Variants in VPS13B observed in about 807,000 individuals in gnomAD.
The protein encoded by VPS13B is intermembrane lipid transfer protein VPS13B.
In VPS13B, 285 loss-of-function variants were observed where a neutral mutation model predicts 426.4. The observed-to-expected ratio is 0.67, with a 90% CI of 0.61 to 0.74. The LOEUF (loss-of-function observed/expected upper bound fraction) is 0.74. Ranked by LOEUF, VPS13B falls within the 30% of genes least tolerant of loss-of-function variation. VPS13B has a pLI of 0.00. For synonymous variants in VPS13B, 1,676 were observed against 1,676.4 expected (o/e 1.00, Z 0.01); for missense variants, 4,537 against 4,782.6 (o/e 0.95, Z 1.51).
Position 99,384,336 on chromosome 8 carries a change from AT to A in VPS13B, c.2934+25del, listed in dbSNP as rs770873113. 9.5e-6 allele frequency: 15 copies of A among 1,585,892 alleles called. No individual in the cohort carries two copies. Among genetic ancestry groups the A allele is most frequent in the African/African-American group, 1.3e-5 (1 of 74,394 alleles). On this transcript the variant is annotated intron_variant, in intron 20 of 61. Coordinates refer to ENST00000357162, the MANE Select transcript of VPS13B (RefSeq NM_152564.5). ...GCAACAGGTAAGAGATTTTTAAATA[AT>A]TTTTTCTGTTAACAAATATTTTTCT...
chr8:99,807,815 G>A (rs984667573), intron 43 of VPS13B, among the ~76,000 whole-genome samples: 3 of 148,982 alleles, frequency 2.0e-5, no homozygotes, highest in Admixed American at 6.7e-5. Context: ...CTTGAGTGAG[G>A]CCATATTAAC....
intron 33 of VPS13B, among the ~76,000 whole-genome samples, chr8:99,596,026 G>A (rs1385033381): frequency 6.6e-6 from 1 of 151,946 alleles, no homozygotes; most frequent in Admixed American, 6.6e-5. Flanking sequence ...CGACAAGAAT[G>A]TGGAAAAATT....
chr8:99,700,478 G>C (rs945249550), intron 36 of VPS13B, among the ~76,000 whole-genome samples: 8 of 152,252 alleles, frequency 5.3e-5, no homozygotes, highest in African/African-American at 1.9e-4. Flanking sequence ...TGTTGTGGCA[G>C]ATATGCTACA....
chr8:99,531,721 AT>A (rs1470923783), intron 30 of VPS13B, among the ~76,000 whole-genome samples: 4 of 152,030 alleles, frequency 2.6e-5, no homozygotes, highest in African/African-American at 9.7e-5. Flanking sequence ...AGTAACTTAG[AT>A]TTTTTTCTTC....
intron 23 of VPS13B, among the ~76,000 whole-genome samples, chr8:99,459,782 ATTCTG>A (rs1386416218): frequency 6.6e-6 from 1 of 152,106 alleles, no homozygotes; most frequent in Non-Finnish European, 1.5e-5. Context: ...GTATTTTGAG[ATTCTG>A]TTGTTAGATG....
chr8:99,190,142 T>A (rs1373440095), intron 16 of VPS13B, among the ~76,000 whole-genome samples: 2 of 152,148 alleles, frequency 1.3e-5, no homozygotes, highest in Non-Finnish European at 2.9e-5. Flanking sequence ...ATTAACCATG[T>A]TATCATTATG....
intron 33 of VPS13B, among the ~76,000 whole-genome samples, chr8:99,624,430 A>G (rs193001246): frequency 6.3e-4 from 96 of 152,298 alleles, no homozygotes; most frequent in Middle Eastern, 6.8e-3. Context: ...AGTAAAAACC[A>G]TAGTTGGAAG....
chr8:99,426,082 TC>T (rs1045153280), intron 21 of VPS13B, among the ~76,000 whole-genome samples: 2 of 117,174 alleles, frequency 1.7e-5, no homozygotes, highest in African/African-American at 6.6e-5. Flanking sequence ...CCCACCACAG[TC>T]CCCAGAGTGT....
chr8:99,076,664 G>T (rs1845142110), intron 3 of VPS13B, among the ~76,000 whole-genome samples: 2 of 145,952 alleles, frequency 1.4e-5, no homozygotes, highest in Non-Finnish European at 3.0e-5. Flanking sequence ...ATCTCATCTA[G>T]GTGTAGCTAC....
At chr8:99,295,227 A>G (rs191327112) in intron 19 of VPS13B, among the ~76,000 whole-genome samples, 7 of 152,302 alleles carry the variant, frequency 4.6e-5, no homozygotes, top group Admixed American at 3.3e-4. Flanking sequence ...ATTAATATGT[A>G]TGATATTTTA....
intron 39 of VPS13B, among the ~76,000 whole-genome samples, chr8:99,743,418 A>G (rs1809875550): frequency 2.6e-5 from 4 of 151,988 alleles, no homozygotes; most frequent in African/African-American, 4.8e-5. Context: ...TATAGATTCA[A>G]TGCCATCCCC....
At chr8:99,568,598 TC>T (rs1206842877) in intron 31 of VPS13B, among the ~76,000 whole-genome samples, 1 of 151,812 alleles carries the variant, frequency 6.6e-6, no homozygotes, top group Non-Finnish European at 1.5e-5. Context: ...GCCAACTATT[TC>T]ATTTTTTAAG....
rs758394245 is a variant in VPS13B, at chr8:99,819,501, T to A, written c.8711T>A (p.Val2904Asp). The change falls in exon 48 of 62, where the codon GTT (valine) becomes GAT (aspartate). Residue 2904 changes from valine to aspartate, a missense_variant. Transcript: ENST00000357162. ...IATKVHPGGT[V>D]NQILDEFYGP... Reference sequence around the variant, plus strand: ...ACTAAGGTACACCCTGGAGGCACAGTTAATCAGATCCTTGACGAATTCTAT... The same window carrying A: ...ACTAAGGTACACCCTGGAGGCACAGATAATCAGATCCTTGACGAATTCTAT... 6.2e-7 allele frequency: 1 copy of A among 1,613,932 alleles called. No homozygotes were observed.
intron 31 of VPS13B, among the ~76,000 whole-genome samples, chr8:99,567,198 C>T (rs931541689): frequency 6.6e-6 from 1 of 152,198 alleles, no homozygotes; most frequent in Non-Finnish European, 1.5e-5. Flanking sequence ...TAGTCGCTCC[C>T]TCTTCCATGA....
chr8:99,556,692 C>CT, intron 31 of VPS13B, 39 bp downstream of exon 31: 1 of 1,595,410 alleles, frequency 6.3e-7, no homozygotes, highest in Non-Finnish European at 8.6e-7. Flanking sequence ...CTTTCTAATA[C>CT]TTCATTGCCA....
intron 33 of VPS13B, among the ~76,000 whole-genome samples, chr8:99,582,866 A>G (rs1330540737): frequency 1.3e-5 from 2 of 152,310 alleles, no homozygotes; most frequent in Non-Finnish European, 2.9e-5. Flanking sequence ...CGTGTTAGCC[A>G]GGATGGTCTC....
chr8:99,643,696 A>G (rs1184434525), intron 34 of VPS13B, among the ~76,000 whole-genome samples: 2 of 152,204 alleles, frequency 1.3e-5, no homozygotes, highest in East Asian at 3.8e-4. Flanking sequence ...TAGTAGCTTA[A>G]ATTGGCCATG....
chr8:99,496,115 AGAGC>A (rs1034212709), intron 25 of VPS13B, among the ~76,000 whole-genome samples: 11 of 152,274 alleles, frequency 7.2e-5, no homozygotes, highest in African/African-American at 2.6e-4. Context: ...TATAGAAGGG[AGAGC>A]AAAATTTGGG....
At chr8:99,353,529 A>C (rs1012924514) in intron 19 of VPS13B, among the ~76,000 whole-genome samples, 2 of 151,882 alleles carry the variant, frequency 1.3e-5, no homozygotes, top group East Asian at 3.9e-4. Flanking sequence ...TCAATTTTGA[A>C]GGCACACCTT....
Sources: allele counts gnomAD v4.1 joint callset (sites outside exome capture counted in the v4.1 genomes callset), GRCh38; gene constraint gnomAD v4.1.1; transcripts MANE v1.5; gene names NCBI Gene and HGNC (gene_info 2026-07-23, HGNC 2026-07-21).